The following HHAT variants were observed in gnomAD, a reference collection of about 807,000 sequenced individuals.
HHAT encodes hedgehog acyltransferase, also known as protein-cysteine N-palmitoyltransferase HHAT.
HHAT carries 47 observed loss-of-function variants against 70.8 expected under a neutral mutation model. The ratio of observed to expected loss-of-function variants is 0.66; its 90% CI spans 0.53 to 0.85. HHAT has a LOEUF of 0.85. Among genes scored for constraint, HHAT ranks in the 40% least tolerant of loss-of-function variants. HHAT has a pLI of 0.00. For synonymous variants in HHAT, 228 were observed against 247.6 expected (o/e 0.92, Z 0.74); for missense variants, 609 against 604.8 (o/e 1.01, Z -0.07).
At chr1:210,367,493 A>AG (rs1385173910) in intron 3 of HHAT, among the ~76,000 whole-genome samples, 1 of 152,184 alleles carries the variant, frequency 6.6e-6, no homozygotes, top group African/African-American at 2.4e-5. Flanking sequence ...TTCTGGGAGA[A>AG]GGGGGCTGAC....
At chr1:210,639,785 GA>G (rs1672636836) in intron 11 of HHAT, among the ~76,000 whole-genome samples, 1 of 152,164 alleles carries the variant, frequency 6.6e-6, no homozygotes, top group Non-Finnish European at 1.5e-5. Flanking sequence ...TCGTTAGTAT[GA>G]TGTCAGTTCT....
intron 10 of HHAT, among the ~76,000 whole-genome samples, chr1:210,616,537 G>C (rs1667778413): frequency 6.6e-6 from 1 of 152,120 alleles, no homozygotes; most frequent in African/African-American, 2.4e-5. Context: ...ATCGACAGTT[G>C]GTATCTGCCA....
chr1:210,463,972 C>T (rs2094038119), intron 7 of HHAT, among the ~76,000 whole-genome samples: 1 of 152,212 alleles, frequency 6.6e-6, no homozygotes, highest in African/African-American at 2.4e-5. Flanking sequence ...ATAATTGATA[C>T]AGGCATTCAG....
At chr1:210,410,484 G>T (rs2092500821) in intron 6 of HHAT, among the ~76,000 whole-genome samples, 1 of 144,806 alleles carries the variant, frequency 6.9e-6, no homozygotes, top group Admixed American at 6.9e-5. Flanking sequence ...TAGAATGAAA[G>T]TTGGATTGTT....
At chr1:210,327,368 T>A (rs1269720127), upstream of HHAT, among the ~76,000 whole-genome samples, 1 of 146,846 alleles carries the variant, frequency 6.8e-6, no homozygotes, top group Non-Finnish European at 1.5e-5. Flanking sequence ...AACTCCTGGA[T>A]TCAAGTTATC....
At chr1:210,465,705 T>C (rs2094086219) in intron 8 of HHAT, among the ~76,000 whole-genome samples, 1 of 152,222 alleles carries the variant, frequency 6.6e-6, no homozygotes, top group Non-Finnish European at 1.5e-5. Flanking sequence ...ATATCTAATG[T>C]TGCCATTCAA....
chr1:210,376,508 G>A (rs1294449663), intron 3 of HHAT, among the ~76,000 whole-genome samples: 6 of 152,194 alleles, frequency 3.9e-5, no homozygotes, highest in African/African-American at 4.8e-5. Flanking sequence ...TCATAAATGA[G>A]TTATTTTATT....
intron 7 of HHAT, among the ~76,000 whole-genome samples, chr1:210,432,057 A>G (rs2093261299): frequency 6.6e-6 from 1 of 151,770 alleles, no homozygotes; most frequent in Admixed American, 6.6e-5. Flanking sequence ...AGTTTCTTTC[A>G]TTCTCAAAAG....
chr1:210,621,422 C>T (rs1367043688), intron 10 of HHAT, among the ~76,000 whole-genome samples: 2 of 152,012 alleles, frequency 1.3e-5, no homozygotes, highest in South Asian at 2.1e-4. Context: ...ATTACTTGGA[C>T]GTATTTATGT....
intron 3 of HHAT, among the ~76,000 whole-genome samples, chr1:210,375,755 T>G (rs2090144680): frequency 6.6e-6 from 1 of 152,008 alleles, no homozygotes. Context: ...CAATGTCAGA[T>G]CTTTTGTTCT....
chr1:210,609,392 G>A (rs7528786), intron 10 of HHAT, among the ~76,000 whole-genome samples: 108,523 of 151,942 alleles, frequency 0.71, 40,541 homozygotes, highest in East Asian at 0.94. Flanking sequence ...CTTTTGGTTT[G>A]AATGAGTGAA....
At chr1:210,647,662 G>A (rs989387184) in intron 11 of HHAT, among the ~76,000 whole-genome samples, 4 of 152,102 alleles carry the variant, frequency 2.6e-5, no homozygotes, top group African/African-American at 9.7e-5. Flanking sequence ...AGAGCTGAGG[G>A]CATCTTTCTG....
chr1:210,419,712 T>C (rs1361520326), intron 7 of HHAT, among the ~76,000 whole-genome samples: 4 of 152,240 alleles, frequency 2.6e-5, no homozygotes, highest in Admixed American at 1.3e-4. Context: ...ATTGAAAAAA[T>C]GCTAAGCTAG....
At chr1:210,359,042 C>T (rs2148009954) in intron 2 of HHAT, among the ~76,000 whole-genome samples, 1 of 152,322 alleles carries the variant, frequency 6.6e-6, no homozygotes, top group African/African-American at 2.4e-5. Context: ...CATTTCTATG[C>T]TCTCAGGCAG....
intron 8 of HHAT, among the ~76,000 whole-genome samples, chr1:210,487,026 T>G (rs1460157562): frequency 1.3e-5 from 2 of 152,234 alleles, no homozygotes; most frequent in East Asian, 3.8e-4. Flanking sequence ...CATTGTCTGT[T>G]CTTCATACCT....
intron 11 of HHAT, among the ~76,000 whole-genome samples, chr1:210,654,093 A>G (rs61827427): frequency 0.011 from 4 of 350 alleles, no homozygotes; most frequent in Non-Finnish European, 0.04. Flanking sequence ...GTAGTGTGAC[A>G]GGAATAGTGT....
At chr1:210,437,167 CATG>C (rs1239161088) in intron 7 of HHAT, among the ~76,000 whole-genome samples, 12 of 151,878 alleles carry the variant, frequency 7.9e-5, no homozygotes, top group Non-Finnish European at 1.3e-4. Context: ...CTCAACATCA[CATG>C]ATGATGTATA....
Position 210,481,681 on chromosome 1 carries a change from A to G in HHAT, c.1007+17026A>G, listed in dbSNP as rs1052051551. On this transcript the variant is annotated intron_variant, in intron 8 of 11. Coordinates refer to ENST00000261458, the MANE Select transcript of HHAT (RefSeq NM_018194.6). ...TTGGGTGATGTACATATTTTGCTGC[A>G]CAGAACTTGTCTGTGAATGGCCACA... 7.2e-5 allele frequency among the ~76,000 whole-genome samples: 11 copies of G among 152,364 alleles called. No individual in the cohort carries two copies. The East Asian group carries it at 1.9e-3, about 27-fold the overall frequency.
In HHAT at chr1:210,346,222, T is replaced by C. The variant is rs566198766; in HGVS notation, c.-43-2711T>C. The stretch of plus-strand genomic sequence containing the variant: ...CAGGCCTTCTAAAACTTTCATTCAG[T>C]CTACAAGATCATTTGTGTTCAAATT... On this transcript the variant is annotated intron_variant, in intron 1 of 11. Transcript: ENST00000261458. 3.9e-5 allele frequency among the ~76,000 whole-genome samples: 6 copies of C among 152,310 alleles called. 1 individual carries two copies. In the South Asian group the frequency reaches 1.2e-3, roughly 32 times the overall value.
Sources: allele counts gnomAD v4.1 joint callset (sites outside exome capture counted in the v4.1 genomes callset), GRCh38; gene constraint gnomAD v4.1.1; transcripts MANE v1.5; gene names NCBI Gene and HGNC (gene_info 2026-07-23, HGNC 2026-07-21).